Variants in GALNT13 observed in about 807,000 individuals in gnomAD.
GALNT13 encodes UDP-GalNAc:polypeptide N-acetylgalactosaminyltransferase 13.
Under a neutral mutation model 64.2 loss-of-function variants are expected in GALNT13, and 28 were observed. The ratio of observed to expected loss-of-function variants is 0.44; its 90% CI spans 0.32 to 0.60. The LOEUF (loss-of-function observed/expected upper bound fraction) is 0.60. Among genes scored for constraint, GALNT13 ranks in the 20% least tolerant of loss-of-function variants. The probability of loss-of-function intolerance (pLI) is 0.05; values close to 1 mark genes in which losing one functional copy is unlikely to be tolerated. For synonymous variants in GALNT13, 214 were observed against 224.6 expected, an observed-to-expected ratio of 0.95 and a Z score of 0.42; for missense variants, 577 against 669.8, an observed-to-expected ratio of 0.86 and a Z score of 1.53.
At chr2:153,295,500 C>A in the GALNT13 span, among the ~76,000 whole-genome samples, 3 of 147,354 alleles carry the variant, frequency 2.0e-5, no homozygotes, top group Non-Finnish European at 4.5e-5. Context: ...GCCAATGATG[C>A]CTTGAAGCCT....
At chr2:154,164,202 G>GA (rs1225088251) in intron 4 of GALNT13, among the ~76,000 whole-genome samples, 5 of 151,180 alleles carry the variant, frequency 3.3e-5, no homozygotes, top group African/African-American at 4.9e-5. Context: ...ATAGAGCATG[G>GA]AAAAAAAAGG....
At chr2:154,047,553 A>G (rs1699352771) in intron 3 of GALNT13, among the ~76,000 whole-genome samples, 1 of 152,188 alleles carries the variant, frequency 6.6e-6, no homozygotes, top group Non-Finnish European at 1.5e-5. Flanking sequence ...CTGTAGAACA[A>G]GAGTAATAAT....
the GALNT13 span, among the ~76,000 whole-genome samples, chr2:153,210,849 A>C: frequency 4.6e-5 from 7 of 152,186 alleles, no homozygotes; most frequent in African/African-American, 1.7e-4. Flanking sequence ...ATTATGTTGT[A>C]CTTGGGAAAA....
the GALNT13 span, among the ~76,000 whole-genome samples, chr2:153,191,367 A>G: frequency 6.6e-6 from 1 of 152,058 alleles, no homozygotes; most frequent in Non-Finnish European, 1.5e-5. Context: ...ATGGTGTTTT[A>G]TTAATTTGCA....
chr2:154,318,457 G>C (rs1241507220), intron 9 of GALNT13, among the ~76,000 whole-genome samples: 1 of 152,188 alleles, frequency 6.6e-6, no homozygotes, highest in Non-Finnish European at 1.5e-5. Context: ...TGGGTGCAGT[G>C]GTTCACGCCT....
chr2:154,330,667 G>T (rs1695119735), intron 9 of GALNT13, among the ~76,000 whole-genome samples: 1 of 152,046 alleles, frequency 6.6e-6, no homozygotes, highest in African/African-American at 2.4e-5. Flanking sequence ...CTCTGAAACA[G>T]ATCTTAATAG....
intron 8 of GALNT13, among the ~76,000 whole-genome samples, chr2:154,268,934 T>C (rs2105918027): frequency 6.6e-6 from 1 of 152,244 alleles, no homozygotes; most frequent in East Asian, 1.9e-4. Context: ...ATATTTTAAT[T>C]AACAAGATCG....
chr2:153,979,098 GTTA>G (rs989974683), intron 3 of GALNT13, among the ~76,000 whole-genome samples: 18 of 152,096 alleles, frequency 1.2e-4, no homozygotes, highest in African/African-American at 3.4e-4. Context: ...AATAACAATA[GTTA>G]TTATTATTAT....
chr2:153,215,461 G>A, the GALNT13 span, among the ~76,000 whole-genome samples: 14 of 152,030 alleles, frequency 9.2e-5, no homozygotes, highest in African/African-American at 3.4e-4. Flanking sequence ...ACATAAAATC[G>A]AAGGTGAGAG....
chr2:154,043,288 G>A (rs999564650), intron 3 of GALNT13, among the ~76,000 whole-genome samples: 3 of 151,494 alleles, frequency 2.0e-5, no homozygotes, highest in African/African-American at 7.3e-5. Context: ...GAGAAACAGT[G>A]TAAATAAAGC....
chr2:153,350,317 A>G, the GALNT13 span, among the ~76,000 whole-genome samples: 100 of 151,714 alleles, frequency 6.6e-4, no homozygotes, highest in East Asian at 0.018. Context: ...GTTAGTAAGT[A>G]CTTTTTATAG....
At chr2:153,888,120 A>G (rs940094991) in intron 1 of GALNT13, among the ~76,000 whole-genome samples, 9 of 151,974 alleles carry the variant, frequency 5.9e-5, no homozygotes, top group African/African-American at 2.2e-4. Flanking sequence ...TGTTTTGAGC[A>G]CTGGTATTTT....
chr2:154,104,518 G>C (rs917580492), intron 3 of GALNT13, among the ~76,000 whole-genome samples: 1 of 152,182 alleles, frequency 6.6e-6, no homozygotes, highest in South Asian at 2.1e-4. Flanking sequence ...GGGGAAGAGG[G>C]GGTGACCCTC....
intron 9 of GALNT13, among the ~76,000 whole-genome samples, chr2:154,340,763 G>A (rs1695715907): frequency 1.3e-5 from 2 of 152,076 alleles, no homozygotes; most frequent in South Asian, 2.1e-4. Context: ...AAAATACATA[G>A]TATCCTCCCT....
chr2:154,102,071 A>G (rs1000600947), intron 3 of GALNT13, among the ~76,000 whole-genome samples: 1 of 152,148 alleles, frequency 6.6e-6, no homozygotes, highest in Non-Finnish European at 1.5e-5. Flanking sequence ...GTATATGGTC[A>G]ATTTTGAAAA....
intron 9 of GALNT13, among the ~76,000 whole-genome samples, chr2:154,345,649 C>A (rs1478122123): frequency 6.6e-6 from 1 of 151,878 alleles, no homozygotes; most frequent in Non-Finnish European, 1.5e-5. Flanking sequence ...CTTTTGAGAC[C>A]CACTGAGGAA....
At chr2:154,299,057 G>A (rs1020514377) in intron 8 of GALNT13, among the ~76,000 whole-genome samples, 31 of 146,472 alleles carry the variant, frequency 2.1e-4, no homozygotes, top group African/African-American at 6.0e-4. Context: ...AATATAAAAT[G>A]TAGATAAAAT....
chr2:153,611,357 G>C, the GALNT13 span, among the ~76,000 whole-genome samples: 7 of 151,826 alleles, frequency 4.6e-5, no homozygotes, highest in Non-Finnish European at 8.8e-5. Context: ...CCCCCCGTCC[G>C]CCTTTTTTTA....
intron 3 of GALNT13, among the ~76,000 whole-genome samples, chr2:153,961,358 A>T (rs1476420092): frequency 6.6e-6 from 1 of 152,222 alleles, no homozygotes; most frequent in African/African-American, 2.4e-5. Flanking sequence ...TTTGAAGGCA[A>T]GGTCTAATAT....
Sources: allele counts gnomAD v4.1 joint callset (sites outside exome capture counted in the v4.1 genomes callset), GRCh38; gene constraint gnomAD v4.1.1; transcripts MANE v1.5; gene names NCBI Gene and HGNC (gene_info 2026-07-23, HGNC 2026-07-21).